Variants in BCAR1 observed in about 807,000 individuals in gnomAD.
BCAR1 encodes the protein BCAR1 scaffold protein, Cas family member.
A neutral mutation model predicts 67.6 loss-of-function variants in BCAR1; 30 were observed. The ratio of observed to expected loss-of-function variants is 0.44; its 90% CI spans 0.33 to 0.60. The LOEUF is 0.60. Ranked by LOEUF, BCAR1 falls within the 20% of genes least tolerant of loss-of-function variation. The pLI is 0.02. For synonymous variants in BCAR1, 626 were observed against 556.7 expected, an observed-to-expected ratio of 1.12 and a Z score of -1.75; for missense variants, 1,313 against 1,222.3, an observed-to-expected ratio of 1.07 and a Z score of -1.11.
intron 1 of BCAR1, chr16:75,263,327 G>A (rs1283790443): frequency 2.0e-6 from 2 of 985,342 alleles, no homozygotes; most frequent in African/African-American, 1.7e-5. Flanking sequence ...GGTCTGAGGT[G>A]GGTGGCACAT....
chr16:75,241,941 C>G (rs1264016215), intron 2 of BCAR1, among the ~76,000 whole-genome samples: 3 of 152,200 alleles, frequency 2.0e-5, no homozygotes, highest in Non-Finnish European at 4.4e-5. Context: ...CTAGCAATCT[C>G]AGGGGCAGCG....
upstream of BCAR1, among the ~76,000 whole-genome samples, chr16:75,252,796 C>T (rs1480003465): frequency 6.6e-6 from 1 of 152,212 alleles, no homozygotes; most frequent in Non-Finnish European, 1.5e-5. Context: ...GCTCAGCCTA[C>T]GCAGCGCCTG....
intron 5 of BCAR1, among the ~76,000 whole-genome samples, chr16:75,234,528 C>A (rs566624416): frequency 6.6e-6 from 1 of 152,340 alleles, no homozygotes; most frequent in African/African-American, 2.4e-5. Flanking sequence ...AGCACCCAGG[C>A]CTCTGCTCCA....
rs115501114 is a variant in BCAR1, at chr16:75,238,132, T to A, written c.634-788A>T. On this transcript the variant is annotated intron_variant, in intron 2 of 6. Transcript: ENST00000162330. Reference sequence around the variant, plus strand: ...GGGAAGCCAAGGCCCGCACAGTGGGTGAAGAGGCAGGCAGCACAATGGCCT... The same window carrying A: ...GGGAAGCCAAGGCCCGCACAGTGGGAGAAGAGGCAGGCAGCACAATGGCCT... The A allele has an allele frequency of 2.6e-3, 3,388 of 1,286,214 alleles. 64 individuals are homozygous for A. In the African/African-American group the frequency reaches 0.045, roughly 17 times the overall value. The allele number at this position is 1,286,214 out of a possible 1,614,324, so 79.7% of individuals were successfully genotyped here.
chr16:75,229,769 G>T lies in BCAR1; in HGVS notation c.2355C>A (p.Val785=), dbSNP rs1261706993. ...ACACCAGCTTGTGGGCGCTGAGGAT[G>T]ACGAACTTGCTGTGCGCCACAAAGA... The part of the protein sequence containing the change: ...PKIFVAHSKF[V]ILSAHKLVFI... The change falls in exon 7 of 7, where the codon GTC becomes GTA. Residue 785 remains valine, a synonymous_variant. Transcript: ENST00000162330. 10 of 1,613,386 alleles carry T rather than the reference G, an allele frequency of 6.2e-6. No individual in the cohort carries two copies. The highest frequency in any genetic ancestry group is 1.1e-5 in the South Asian group (1 of 91,092).
chr16:75,249,886 G>A (rs937604048), intron 1 of BCAR1: 3 of 152,298 alleles, frequency 2.0e-5, no homozygotes, highest in African/African-American at 7.2e-5. Flanking sequence ...CTGCACTGGG[G>A]GGCCATGCCA....
rs775196763 is a variant in BCAR1, at chr16:75,235,501, C to T, written c.1398G>A (p.Leu466=). 22 of 1,597,816 alleles carry T rather than the reference C, an allele frequency of 1.4e-5. No homozygotes were observed. Among genetic ancestry groups the T allele is most frequent in the Admixed American group, 1.7e-5 (1 of 57,400 alleles). The change falls in exon 5 of 7, where the codon CTG becomes CTA. Residue 466 remains leucine (L), a synonymous_variant. Coordinates refer to ENST00000162330, the MANE Select transcript of BCAR1 (RefSeq NM_014567.5). ...LEVAVEALAR[L]QQGVSATVAH... Reference sequence around the variant, plus strand: ...CAACGGTGGCGCTCACACCCTGCTGCAGCCGTGCCAGGGCCTCCACAGCAA... The same window carrying T: ...CAACGGTGGCGCTCACACCCTGCTGTAGCCGTGCCAGGGCCTCCACAGCAA...
At position 75,242,487 on chromosome 16, in the gene BCAR1, T is replaced by G. The variant is rs756217007; in HGVS notation, c.616A>C (p.Thr206Pro). ...AGCCTTACCTTTGCCGGGGGCTTCG[T>G]GCCCTCCCAGCTGCGTGTGTCCATG... ...PSMDTRSWEG[T>P]KPPAKVVVPT... The change falls in exon 2 of 7, where the codon ACG becomes CCG. Residue 206 changes from threonine to proline, a missense_variant. Transcript: ENST00000162330. 2.7e-6 allele frequency: 4 copies of G among 1,456,080 alleles called. No homozygotes were observed. In the South Asian group the frequency reaches 6.5e-5, roughly 24 times the overall value. The allele number at this position is 1,456,080 out of a possible 1,614,324, so 90.2% of individuals were successfully genotyped here.
rs530070927 is a variant in BCAR1, at chr16:75,242,516, G to A, written c.587C>T (p.Pro196Leu). The A allele has an allele frequency of 3.6e-5, 53 of 1,476,580 alleles. No individual in the cohort carries two copies. In the African/African-American group the frequency reaches 4.0e-4, roughly 11 times the overall value. 91.5% of individuals were successfully genotyped at this position (1,476,580 alleles called of 1,614,324 possible). A position where few individuals can be genotyped will look rare whatever the true frequency, so the allele number is the denominator to read the frequency against. Residue 196 changes from proline to leucine, a missense_variant, in exon 2 of 7, where the codon CCG becomes CTG. Around this residue, in one of 2 missense-constraint regions of BCAR1, gnomAD observed 1,272 missense variants for 1,137.5 expected, o/e 1.12. Transcript: ENST00000162330. ...GMGHDIYQVP[P>L]SMDTRSWEGT... ...CTCCCAGCTGCGTGTGTCCATGGAC[G>A]GGGGGACCTGGTAGATGTCATGCCC...
chr16:75,259,629 G>GA (rs2077854100), intron 1 of BCAR1, among the ~76,000 whole-genome samples: 1 of 152,090 alleles, frequency 6.6e-6, no homozygotes, highest in African/African-American at 2.4e-5. Flanking sequence ...AAAGCGGGCG[G>GA]ATCACGAGGT....
At position 75,229,972 on chromosome 16, in the gene BCAR1, C is replaced by T. The variant is rs995979152; in HGVS notation, c.2152G>A (p.Asp718Asn). 36 of 1,586,284 alleles carry T rather than the reference C, an allele frequency of 2.3e-5. No individual in the cohort carries two copies. Among genetic ancestry groups the T allele is most frequent in the Middle Eastern group, 1.7e-4 (1 of 5,958 alleles). ...TGGGCTGGCGTCCAGTTGGCCAGGT[C>T]GTGGTCTATGGGCCGTGACACCTCC... ...EQEVSRPIDH[D>N]LANWTPAQPL... The change falls in exon 7 of 7, where the codon GAC (aspartate) becomes AAC (asparagine). Residue 718 changes from aspartate to asparagine, a missense_variant. Physicochemically the swap from Asp to Asn is conservative, Grantham distance 23. Around this residue, in one of 2 missense-constraint regions of BCAR1, gnomAD observed 1,272 missense variants for 1,137.5 expected, o/e 1.12. Transcript: ENST00000162330.
chr16:75,233,956 C>A lies in BCAR1; in HGVS notation c.2011-21G>T, dbSNP rs780094528. 46 of 1,581,632 alleles carry A rather than the reference C, an allele frequency of 2.9e-5. No individual in the cohort carries two copies. The East Asian group carries it at 9.8e-4, about 34-fold the overall frequency. ...TTCCCCTGGAGGGCAGAGACAGGGG[C>A]TGCGCTGAGGCCAGTTTTCTGAGCC... On this transcript the variant is annotated intron_variant, in intron 5 of 6. Coordinates refer to ENST00000162330, the MANE Select transcript of BCAR1 (RefSeq NM_014567.5).
chr16:75,263,959 T>TGCCA, intron 1 of BCAR1: 1 of 1,139,314 alleles, frequency 8.8e-7, no homozygotes, highest in Admixed American at 4.6e-5. Flanking sequence ...CACGGTGATC[T>TGCCA]GCCAGCCAGC....
chr16:75,232,579 A>G (rs1359228107), intron 6 of BCAR1, among the ~76,000 whole-genome samples: 1 of 152,162 alleles, frequency 6.6e-6, no homozygotes, highest in Non-Finnish European at 1.5e-5. Context: ...TACAGGTGTG[A>G]CATTTATTCT....
upstream of BCAR1, chr16:75,252,505 T>C: frequency 8.6e-7 from 1 of 1,160,246 alleles, no homozygotes; most frequent in South Asian, 1.7e-5. Context: ...TCAGTGACTG[T>C]CACCCCATGC....
intron 1 of BCAR1, among the ~76,000 whole-genome samples, chr16:75,260,957 C>T (rs1461084164): frequency 6.6e-6 from 1 of 152,132 alleles, no homozygotes; most frequent in African/African-American, 2.4e-5. Flanking sequence ...TGTCTTCTGC[C>T]ATAATCTGCT....
At chr16:75,253,749 G>T (rs1219947886), upstream of BCAR1, among the ~76,000 whole-genome samples, 2 of 151,648 alleles carry the variant, frequency 1.3e-5, no homozygotes, top group Admixed American at 6.6e-5. Context: ...GCTGGGGGGT[G>T]GGGGAGGAGC....
intron 2 of BCAR1, chr16:75,238,528 A>T: frequency 1.0e-6 from 1 of 992,234 alleles, no homozygotes; most frequent in Non-Finnish European, 1.2e-6. Context: ...GGGTGCTGTG[A>T]GGGGGGCGCT....
intron 1 of BCAR1, among the ~76,000 whole-genome samples, chr16:75,251,115 C>G (rs557789429): frequency 6.6e-6 from 1 of 152,178 alleles, no homozygotes; most frequent in Admixed American, 6.5e-5. Context: ...TCCTCGCAGC[C>G]GAGGAAACTG....
Sources: gnomAD v4.1 joint callset for allele counts (sites outside exome capture counted in the v4.1 genomes callset) on GRCh38, gnomAD v4.1.1 for gene constraint, gnomAD v4.1.1 regional missense constraint, MANE v1.5 for transcripts, NCBI Gene and HGNC (gene_info 2026-07-23, HGNC 2026-07-21) for gene names.